The following DNAH7 variants were observed in gnomAD, a reference collection of about 807,000 sequenced individuals.
DNAH7 encodes the protein dynein axonemal heavy chain 7.
DNAH7 carries 397 observed loss-of-function variants against 444.6 expected under a neutral mutation model. The observed-to-expected ratio is 0.89, with a 90% CI of 0.82 to 0.97. The LOEUF (loss-of-function observed/expected upper bound fraction) is 0.97. Among genes scored for constraint, DNAH7 ranks in the 50% least tolerant of loss-of-function variants. DNAH7 has a pLI of 0.00. For synonymous variants in DNAH7, 1,636 were observed against 1,624.4 expected (o/e 1.01, Z -0.17); for missense variants, 4,902 against 4,800.8 (o/e 1.02, Z -0.62).
Position 195,910,154 on chromosome 2 carries a change from G to T in DNAH7, c.3977C>A (p.Pro1326His). The T allele has an allele frequency of 6.2e-7, 1 of 1,613,088 alleles. No homozygotes were observed. The highest frequency in any genetic ancestry group is 1.1e-5 in the South Asian group (1 of 90,910). Residue 1326 changes from proline (P) to histidine (H), a missense_variant, in exon 25 of 65, where the codon CCT (proline) becomes CAT (histidine). Pro to His is a moderately conservative substitution (Grantham distance 77, BLOSUM62 -2). Coordinates refer to ENST00000312428, the MANE Select transcript of DNAH7 (RefSeq NM_018897.3). ...GALHLHLGGA[P>H]EGPAGTGKTE... ...CTTCCCAGTGCCAGCTGGACCCTCA[G>T]GTGCTCCTCCAAGGTGCAAATGAAG...
chr2:195,965,384 G>T (rs1282041519), intron 17 of DNAH7, among the ~76,000 whole-genome samples: 3 of 152,124 alleles, frequency 2.0e-5, no homozygotes, highest in Non-Finnish European at 4.4e-5. Flanking sequence ...TTTTGTTGAG[G>T]ATTTTTGCCT....
intron 8 of DNAH7, among the ~76,000 whole-genome samples, chr2:196,023,804 T>G (rs1414702459): frequency 6.6e-6 from 1 of 152,224 alleles, no homozygotes; most frequent in Non-Finnish European, 1.5e-5. Context: ...TAAGCTTAAT[T>G]ATTTCTAGCT....
At chr2:195,818,208 T>G (rs781655096) in intron 49 of DNAH7, among the ~76,000 whole-genome samples, 1 of 152,234 alleles carries the variant, frequency 6.6e-6, no homozygotes, top group Non-Finnish European at 1.5e-5. Flanking sequence ...GGCTCTAGAA[T>G]CATAATAGTT....
Position 195,923,698 on chromosome 2 carries a change from A to G in DNAH7, c.3722T>C (p.Val1241Ala), listed in dbSNP as rs1461130982. The G allele has an allele frequency of 6.2e-7, 1 of 1,614,162 alleles. No individual in the cohort carries two copies. Residue 1241 changes from valine (V) to alanine (A), a missense_variant, in exon 23 of 65, where the codon GTA becomes GCA. By Grantham distance (64) the Val-to-Ala change is moderately conservative. Transcript: ENST00000312428. ...QNRVTLGALV[V>A]LDVHARDVLS... ...GACATCTCTAGCATGGACATCCAGT[A>G]CCACAAGTGCTCCCAGAGTTACGCG...
chr2:195,947,224 T>C (rs1297007114), intron 19 of DNAH7, among the ~76,000 whole-genome samples: 1 of 151,364 alleles, frequency 6.6e-6, no homozygotes. Context: ...CTCGAACTCC[T>C]GACCTCAGGT....
Position 195,888,362 on chromosome 2 carries a change from T to G in DNAH7, c.5302A>C (p.Asn1768His). The G allele has an allele frequency of 6.2e-7, 1 of 1,609,934 alleles. No homozygotes were observed. Among genetic ancestry groups the G allele is most frequent in the Non-Finnish European group, 8.5e-7 (1 of 1,178,724 alleles). The change falls in exon 33 of 65, where the codon AAT becomes CAT. Residue 1768 changes from asparagine to histidine, a missense_variant. Physicochemically the swap from Asn to His is moderately conservative, Grantham distance 68 (BLOSUM62 1). Coordinates refer to ENST00000312428, the MANE Select transcript of DNAH7 (RefSeq NM_018897.3). ...GWRPLMLSWV[N>H]LLPASVSVIQ... ...ACACTGACTGACGCAGGTAACAGAT[T>G]CACCCAGGACAACATCAGTGGTCTC...
chr2:195,949,515 C>T (rs543576080), intron 19 of DNAH7, among the ~76,000 whole-genome samples: 3 of 152,194 alleles, frequency 2.0e-5, no homozygotes, highest in South Asian at 4.2e-4. Context: ...AACTCCTGAC[C>T]ACAGGTGATC....
intron 21 of DNAH7, 52 bp from the exon 22 acceptor site, chr2:195,926,618 C>A: frequency 6.8e-7 from 1 of 1,481,160 alleles, no homozygotes; most frequent in Non-Finnish European, 9.0e-7. Flanking sequence ...ACAAGTTATA[C>A]AATTGAGAGC....
At chr2:195,820,396 A>G (rs1429512108) in intron 49 of DNAH7, among the ~76,000 whole-genome samples, 1 of 151,922 alleles carries the variant, frequency 6.6e-6, no homozygotes, top group Non-Finnish European at 1.5e-5. Flanking sequence ...AAACCATCAT[A>G]GTATATGTAT....
chr2:195,953,444 T>C (rs143817928), intron 19 of DNAH7, among the ~76,000 whole-genome samples: 1 of 152,322 alleles, frequency 6.6e-6, no homozygotes, highest in East Asian at 1.9e-4. Context: ...AGTCTGTCTC[T>C]TAGCAGAACT....
chr2:195,875,578 A>T, intron 38 of DNAH7, 97 bp downstream of exon 38: 1 of 1,148,790 alleles, frequency 8.7e-7, no homozygotes, highest in Non-Finnish European at 1.2e-6. Flanking sequence ...TATACACAAA[A>T]CACTGCAACT....
At chr2:195,886,083 G>T in intron 34 of DNAH7, 58 bp downstream of exon 34, 1 of 1,525,166 alleles carries the variant, frequency 6.6e-7, no homozygotes, top group Non-Finnish European at 8.8e-7. Flanking sequence ...GGAAGCTTTG[G>T]GGAAAGCAGT....
chr2:195,924,251 T>G (rs1018713923), intron 22 of DNAH7, among the ~76,000 whole-genome samples: 2 of 152,180 alleles, frequency 1.3e-5, no homozygotes, highest in African/African-American at 4.8e-5. Flanking sequence ...AGCTGTCTTC[T>G]GCTCTACAGA....
chr2:195,959,405 T>C (rs751513483), intron 18 of DNAH7, among the ~76,000 whole-genome samples: 1 of 152,190 alleles, frequency 6.6e-6, no homozygotes, highest in Non-Finnish European at 1.5e-5. Context: ...GCATAGTCCC[T>C]TAAAATGGAA....
At chr2:195,807,422 T>C (rs1047690421) in intron 53 of DNAH7, among the ~76,000 whole-genome samples, 3 of 152,200 alleles carry the variant, frequency 2.0e-5, no homozygotes, top group African/African-American at 7.2e-5. Flanking sequence ...CCTCCCAAAG[T>C]GCTGGGATTA....
intron 63 of DNAH7, among the ~76,000 whole-genome samples, chr2:195,753,393 C>T (rs948323012): frequency 1.3e-5 from 2 of 152,168 alleles, no homozygotes; most frequent in Admixed American, 1.3e-4. Flanking sequence ...TAAAATAAAA[C>T]TTCTTGGCAC....
intron 40 of DNAH7, among the ~76,000 whole-genome samples, chr2:195,865,957 T>C (rs1363551135): frequency 6.6e-6 from 1 of 152,180 alleles, no homozygotes; most frequent in Non-Finnish European, 1.5e-5. Flanking sequence ...AGAGACAAGG[T>C]GGCTTTAGCA....
intron 31 of DNAH7, among the ~76,000 whole-genome samples, chr2:195,889,661 A>C (rs926947234): frequency 5.9e-5 from 9 of 152,208 alleles, no homozygotes; most frequent in Non-Finnish European, 1.3e-4. Context: ...ATGTTTTAGA[A>C]AGTAATATAA....
intron 15 of DNAH7, among the ~76,000 whole-genome samples, chr2:195,978,048 T>C (rs1271884135): frequency 1.3e-5 from 2 of 152,032 alleles, no homozygotes; most frequent in Admixed American, 1.3e-4. Context: ...TAATAAATAA[T>C]CTGAAGGTAC....
Sources: allele counts gnomAD v4.1 joint callset (sites outside exome capture counted in the v4.1 genomes callset), GRCh38; gene constraint gnomAD v4.1.1; transcripts MANE v1.5; gene names NCBI Gene and HGNC (gene_info 2026-07-23, HGNC 2026-07-21).